ARPP21: variants seen among roughly 807,000 people sequenced by gnomAD.
ARPP21 encodes cAMP-regulated phosphoprotein 21.
ARPP21 carries 69 observed loss-of-function variants against 113.2 expected under a neutral mutation model. That is an observed-to-expected ratio of 0.61 (90% CI 0.50 to 0.74). The LOEUF (loss-of-function observed/expected upper bound fraction) is 0.74, where lower values mean the gene tolerates loss of function less well. ARPP21 is among the 30% of genes least tolerant of loss of function. The pLI, the probability that ARPP21 is intolerant of heterozygous loss-of-function variation, is 0.00. For synonymous variants in ARPP21, 368 were observed against 375.5 expected (o/e 0.98, Z 0.23); for missense variants, 1,070 against 1,037.4 (o/e 1.03, Z -0.43).
intron 15 of ARPP21, among the ~76,000 whole-genome samples, chr3:35,730,770 C>G (rs1436853590): frequency 1.3e-5 from 2 of 152,118 alleles, no homozygotes; most frequent in African/African-American, 4.8e-5. Flanking sequence ...AATATGAGAA[C>G]TGTAGTAAAA....
chr3:35,660,612 C>A (rs1372022873), intron 1 of ARPP21, among the ~76,000 whole-genome samples: 1 of 152,142 alleles, frequency 6.6e-6, no homozygotes, highest in East Asian at 1.9e-4. Flanking sequence ...TTCTAACTCT[C>A]AAGTGTGTGT....
intron 1 of ARPP21, among the ~76,000 whole-genome samples, chr3:35,661,334 C>A (rs898982340): frequency 2.6e-5 from 4 of 152,108 alleles, no homozygotes; most frequent in African/African-American, 9.7e-5. Flanking sequence ...GCTGTTAAAA[C>A]TTCACCTCCT....
chr3:35,721,386 T>C (rs1437914774), intron 13 of ARPP21, among the ~76,000 whole-genome samples: 1 of 152,180 alleles, frequency 6.6e-6, no homozygotes, highest in Non-Finnish European at 1.5e-5. Context: ...CTAGGTTTGG[T>C]TTTTCTGTTT....
At chr3:35,692,272 A>T (rs147668678) in intron 9 of ARPP21, among the ~76,000 whole-genome samples, 11 of 151,688 alleles carry the variant, frequency 7.3e-5, no homozygotes, top group Non-Finnish European at 8.9e-5. Flanking sequence ...TTCCTATTTT[A>T]TCTGGTTGTT....
intron 5 of ARPP21, among the ~76,000 whole-genome samples, chr3:35,686,620 G>A (rs934663255): frequency 1.3e-5 from 2 of 151,574 alleles, no homozygotes; most frequent in African/African-American, 4.8e-5. Context: ...CACATGTAGT[G>A]TGAGCATTAG....
intron 1 of ARPP21, among the ~76,000 whole-genome samples, chr3:35,642,847 C>T (rs1663764185): frequency 6.6e-6 from 1 of 152,080 alleles, no homozygotes; most frequent in South Asian, 2.1e-4. Context: ...CTAAGAGAAG[C>T]AGGAAGTTTT....
At chr3:35,720,125 C>T (rs766309089) in intron 13 of ARPP21, among the ~76,000 whole-genome samples, 4 of 152,090 alleles carry the variant, frequency 2.6e-5, no homozygotes, top group South Asian at 4.1e-4. Flanking sequence ...ACCAGCCATC[C>T]GTGTGGTACT....
intron 15 of ARPP21, among the ~76,000 whole-genome samples, chr3:35,735,864 T>G (rs2094317177): frequency 6.6e-6 from 1 of 152,254 alleles, no homozygotes. Flanking sequence ...CATTCCCTCA[T>G]GTTCTGATGC....
At chr3:35,689,899 A>G (rs941524303) in intron 7 of ARPP21, among the ~76,000 whole-genome samples, 182 bp from the exon 8 acceptor site, 4 of 151,670 alleles carry the variant, frequency 2.6e-5, no homozygotes, top group African/African-American at 9.7e-5. Flanking sequence ...TAAACAATGA[A>G]ATAAATTGTA....
chr3:35,741,282 A>C (rs2094641323), intron 18 of ARPP21, among the ~76,000 whole-genome samples: 1 of 152,188 alleles, frequency 6.6e-6, no homozygotes, highest in Admixed American at 6.5e-5. Flanking sequence ...ATAGAAAGAG[A>C]GGGAGATAAA....
chr3:35,715,478 T>G lies in ARPP21; in HGVS notation c.935+2T>G. The G allele has an allele frequency of 6.2e-7, 1 of 1,611,134 alleles. No homozygotes were observed. The highest frequency in any genetic ancestry group is 8.5e-7 in the Non-Finnish European group (1 of 1,177,582). ...GGAAAGCCTTTTTGTGGAAAACAGG[T>G]AAAATAAAATTTACTTTTCCATGTC... On this transcript the variant is annotated splice_donor_variant, in intron 12 of 20. Coordinates refer to ENST00000684406, the MANE Select transcript of ARPP21 (RefSeq NM_001385562.1). LOFTEE classifies it high-confidence loss of function.
intron 6 of ARPP21, among the ~76,000 whole-genome samples, 177 bp downstream of exon 6, chr3:35,688,060 G>A (rs1176493755): frequency 2.0e-5 from 3 of 151,494 alleles, no homozygotes; most frequent in Non-Finnish European, 4.4e-5. Context: ...TGTTTATAGT[G>A]TCATTACTTG....
At chr3:35,731,518 T>C (rs894911822) in intron 15 of ARPP21, among the ~76,000 whole-genome samples, 12 of 152,206 alleles carry the variant, frequency 7.9e-5, no homozygotes, top group African/African-American at 2.7e-4. Flanking sequence ...TACAATGAGA[T>C]GCAGGGTGAA....
intron 19 of ARPP21, among the ~76,000 whole-genome samples, chr3:35,773,938 G>T (rs1483688593): frequency 6.6e-6 from 1 of 152,106 alleles, no homozygotes; most frequent in South Asian, 2.1e-4. Flanking sequence ...CTATCAGGAG[G>T]TACTGGGGAC....
chr3:35,678,097 T>C (rs1262027113), intron 1 of ARPP21, among the ~76,000 whole-genome samples: 1 of 151,936 alleles, frequency 6.6e-6, no homozygotes, highest in Non-Finnish European at 1.5e-5. Flanking sequence ...GTCCCTGCTT[T>C]GAGTTAGTTA....
intron 1 of ARPP21, among the ~76,000 whole-genome samples, chr3:35,667,912 AGGAGGAGGAG>A (rs2074969836): frequency 3.5e-5 from 1 of 28,618 alleles, no homozygotes; most frequent in African/African-American, 2.5e-4. Flanking sequence ...AGGAAGAGGA[AGGAGGAGGAG>A]GAGGAGGAGG....
intron 9 of ARPP21, among the ~76,000 whole-genome samples, chr3:35,692,139 C>T (rs1466462425): frequency 6.6e-6 from 1 of 151,628 alleles, no homozygotes; most frequent in African/African-American, 2.4e-5. Context: ...CTTCAAATTA[C>T]TTATATATCT....
chr3:35,784,362 G>A (rs940412923), intron 19 of ARPP21, among the ~76,000 whole-genome samples: 1 of 152,210 alleles, frequency 6.6e-6, no homozygotes, highest in African/African-American at 2.4e-5. Context: ...AGGCTTGAAA[G>A]TAGGCATGGT....
Position 35,794,341 on chromosome 3 carries a change from G to A in ARPP21, c.*383G>A. On this transcript the variant is annotated 3_prime_UTR_variant, in exon 21 of 21. Coordinates refer to ENST00000684406, the MANE Select transcript of ARPP21 (RefSeq NM_001385562.1). ...ATCACATTGTACCAAAGCTGTAATG[G>A]AAAAGCAAAGAAGAATTGATGAATT... The A allele has an allele frequency of 5.0e-6, 1 of 200,364 alleles. No individual in the cohort carries two copies. The allele number at this position is 200,364 out of a possible 1,614,324, so 12.4% of individuals were successfully genotyped here. A position where few individuals can be genotyped will look rare whatever the true frequency, so the allele number is the denominator to read the frequency against.
Sources: allele counts gnomAD v4.1 joint callset (sites outside exome capture counted in the v4.1 genomes callset), GRCh38; gene constraint gnomAD v4.1.1; transcripts MANE v1.5; gene names NCBI Gene and HGNC (gene_info 2026-07-23, HGNC 2026-07-21).